The following ANGPTL4 variants were observed in gnomAD, a reference collection of about 807,000 sequenced individuals.
ANGPTL4 encodes the protein angiopoietin-related protein 4.
A neutral mutation model predicts 39.2 loss-of-function variants in ANGPTL4; 39 were observed. That is an observed-to-expected ratio of 1.00 (90% CI 0.77 to 1.30). ANGPTL4 has a LOEUF of 1.30. ANGPTL4 is among the 50% of genes most tolerant of loss of function. ANGPTL4 has a pLI of 0.00. For missense variants in ANGPTL4, 545 were observed against 549.8 expected, an observed-to-expected ratio of 0.99 and a Z score of 0.09; for synonymous variants, 233 against 229.5, an observed-to-expected ratio of 1.02 and a Z score of -0.14.
At chr19:8,365,298 T>C (rs1970979710) in intron 1 of ANGPTL4, among the ~76,000 whole-genome samples, 2 of 146,840 alleles carry the variant, frequency 1.4e-5, no homozygotes, top group South Asian at 4.4e-4. Context: ...ACCAACACAG[T>C]GAAACCCCGT....
At chr19:8,366,874 C>T (rs1971016793) in intron 3 of ANGPTL4, among the ~76,000 whole-genome samples, 1 of 147,814 alleles carries the variant, frequency 6.8e-6, no homozygotes, top group Non-Finnish European at 1.5e-5. Flanking sequence ...CCTCCTCCCT[C>T]CCCGCCCCCG....
chr19:8,368,022 G>GTTTTTTTTT (rs1568216266), intron 3 of ANGPTL4, among the ~76,000 whole-genome samples: 1 of 73,234 alleles, frequency 1.4e-5, no homozygotes. Flanking sequence ...CATTTATCAA[G>GTTTTTTTTT]TCTTTTTTTT....
Position 8,371,884 on chromosome 19 carries a change from A to T in ANGPTL4, c.1039+362A>T, listed in dbSNP as rs1971128964. ...ACCATTCTCCTGCCTCAGCCTCCCGAGTAGCTGGGACTATAGGTGCCCACC... is the reference window on the plus strand; with the variant it reads ...ACCATTCTCCTGCCTCAGCCTCCCGTGTAGCTGGGACTATAGGTGCCCACC... On this transcript the variant is annotated intron_variant, in intron 6 of 6. Coordinates refer to ENST00000301455, the MANE Select transcript of ANGPTL4 (RefSeq NM_139314.3). The surrounding 1 kb of genome is among the most constrained non-coding windows in gnomAD (Gnocchi z 5.1). Among the ~76,000 whole-genome samples the T allele has an allele frequency of 6.6e-6, 1 of 151,622 alleles. No individual in the cohort carries two copies. The highest frequency in any genetic ancestry group is 1.5e-5 in the Non-Finnish European group (1 of 67,974).
rs550480671 is a variant in ANGPTL4, at chr19:8,368,578, G to A, written c.548-641G>A. Among the ~76,000 whole-genome samples, 67 of 152,236 alleles carry A rather than the reference G, an allele frequency of 4.4e-4. No individual in the cohort carries two copies. The Middle Eastern group carries it at 0.01, about 23-fold the overall frequency. On this transcript the variant is annotated intron_variant, in intron 3 of 6. Coordinates refer to ENST00000301455, the MANE Select transcript of ANGPTL4 (RefSeq NM_139314.3). ...GAGAGAAGTGAGGAAAGAGAGTCCC[G>A]CCGGGCGCAGTGGTTCACACCTGTA...
In ANGPTL4 at chr19:8,373,762, C is replaced by G. The variant is rs776398253; in HGVS notation, c.1097C>G (p.Ser366Cys). The change falls in exon 7 of 7, where the codon TCC (serine) becomes TGC (cysteine). Residue 366 changes from serine (S) to cysteine (C), a missense_variant. Physicochemically the swap from Ser to Cys is moderately radical, Grantham distance 112. Coordinates refer to ENST00000301455, the MANE Select transcript of ANGPTL4 (RefSeq NM_139314.3). ...AACCTCAACGGCCAGTACTTCCGCT[C>G]CATCCCACAGCAGCGGCAGAAGCTT... The part of the protein sequence containing the change: ...HSNLNGQYFR[S>C]IPQQRQKLKK... The G allele has an allele frequency of 1.9e-6, 3 of 1,613,930 alleles. No individual in the cohort carries two copies. The highest frequency in any genetic ancestry group is 3.3e-5 in the Admixed American group (2 of 60,008).
chr19:8,370,287 T>C (rs1458121760), intron 4 of ANGPTL4, among the ~76,000 whole-genome samples: 1 of 152,102 alleles, frequency 6.6e-6, no homozygotes, highest in Non-Finnish European at 1.5e-5. Flanking sequence ...ATGCCTGTAG[T>C]CCCAGCTACT....
intron 1 of ANGPTL4, among the ~76,000 whole-genome samples, chr19:8,365,457 G>A (rs370652586): frequency 2.0e-5 from 3 of 151,940 alleles, no homozygotes; most frequent in Non-Finnish European, 2.9e-5. Context: ...CAGCCTGGGC[G>A]ACAGAGCTCG....
chr19:8,364,902 A>G (rs1188992872), intron 1 of ANGPTL4, among the ~76,000 whole-genome samples: 1 of 151,946 alleles, frequency 6.6e-6, no homozygotes, highest in African/African-American at 2.4e-5. Flanking sequence ...ATAAAATAAA[A>G]TAAAATAAAT....
chr19:8,364,747 G>A, intron 1 of ANGPTL4, 108 bp downstream of exon 1: 2 of 1,348,496 alleles, frequency 1.5e-6, no homozygotes, highest in Non-Finnish European at 2.1e-6. Context: ...GTGGCTCCCT[G>A]GGCTTCCCTG....
At chr19:8,369,558 A>G (rs1041610657) in intron 4 of ANGPTL4, among the ~76,000 whole-genome samples, 5 of 149,042 alleles carry the variant, frequency 3.4e-5, no homozygotes, top group East Asian at 2.0e-4. Context: ...GGTTCAAGCA[A>G]TTCTCCAGCG....
In ANGPTL4 at chr19:8,364,535, C is replaced by T; in HGVS notation, c.214C>T (p.Arg72Cys). The T allele has an allele frequency of 6.4e-7, 1 of 1,570,506 alleles. No individual in the cohort carries two copies. The stretch of plus-strand genomic sequence containing the variant: ...CAGTCAGCTGAGCGCGCTGGAGCGG[C>T]GCCTGAGCGCGTGCGGGTCCGCCTG... ...TRSQLSALER[R>C]LSACGSACQG... Residue 72 changes from arginine (R) to cysteine (C), a missense_variant, in exon 1 of 7, where the codon CGC becomes TGC. Arg to Cys is a radical substitution (Grantham distance 180). Coordinates refer to ENST00000301455, the MANE Select transcript of ANGPTL4 (RefSeq NM_139314.3).
chr19:8,364,756 T>TGCGTCAAGGGATGGGCTCCCCC, intron 1 of ANGPTL4, 117 bp downstream of exon 1: 6 of 1,283,728 alleles, frequency 4.7e-6, no homozygotes, highest in Non-Finnish European at 6.6e-6. Flanking sequence ...TGGGCTTCCC[T>TGCGTCAAGGGATGGGCTCCCCC]GCGTCAAGGG....
intron 4 of ANGPTL4, among the ~76,000 whole-genome samples, chr19:8,369,700 G>A (rs1333662408): frequency 6.6e-6 from 1 of 151,732 alleles, no homozygotes; most frequent in African/African-American, 2.4e-5. Flanking sequence ...ATGATTTGCC[G>A]ACTTTGGCCT....
In ANGPTL4 at chr19:8,364,617, C is replaced by T. The variant is rs577419152; in HGVS notation, c.296C>T (p.Pro99Leu). The change falls in exon 1 of 7, where the codon CCT becomes CTT. Residue 99 changes from proline to leucine, a missense_variant. Transcript: ENST00000301455. The stretch of plus-strand genomic sequence containing the variant: ...TTAGCCCCTGAGAGCCGGGTGGACC[C>T]TGAGGTCCTTCACAGCCTGCAGGTA... ...LPLAPESRVDPEVLHSLQTQL... is the reference protein window; with the variant it reads ...LPLAPESRVDLEVLHSLQTQL... The T allele has an allele frequency of 1.0e-5, 16 of 1,591,900 alleles. No individual in the cohort carries two copies. The South Asian group carries it at 1.8e-4, about 18-fold the overall frequency.
At chr19:8,370,664 C>A (rs889894342) in intron 4 of ANGPTL4, among the ~76,000 whole-genome samples, 1 of 143,122 alleles carries the variant, frequency 7.0e-6, no homozygotes, top group Non-Finnish European at 1.5e-5. Flanking sequence ...TGCGGCACTG[C>A]GATCCAGCCT....
At chr19:8,368,748 C>T (rs557323891) in intron 3 of ANGPTL4, among the ~76,000 whole-genome samples, 1 of 152,324 alleles carries the variant, frequency 6.6e-6, no homozygotes, top group Non-Finnish European at 1.5e-5. Flanking sequence ...GTCCCAGCTG[C>T]TCCGGAGGCT....
At chr19:8,368,980 C>T (rs1262365088) in intron 3 of ANGPTL4, among the ~76,000 whole-genome samples, 1 of 152,302 alleles carries the variant, frequency 6.6e-6, no homozygotes, top group East Asian at 1.9e-4. Context: ...GTGGGTACAG[C>T]ATGGCAGGAG....
chr19:8,364,309 GCTAC>G lies in ANGPTL4; in HGVS notation c.-9_-6del, dbSNP rs1568213513. The G allele has an allele frequency of 6.5e-7, 1 of 1,537,710 alleles. No homozygotes were observed. The highest frequency in any genetic ancestry group is 2.4e-5 in the East Asian group (1 of 41,342). ...AGAGTCCCCGAATCCCCGCTCCCAG[GCTAC>G]CTAAGAGGATGAGCGGTGCTCCGAC... is the stretch of plus-strand genomic sequence containing the variant. On this transcript the variant is annotated 5_prime_UTR_variant, in exon 1 of 7. Coordinates refer to ENST00000301455, the MANE Select transcript of ANGPTL4 (RefSeq NM_139314.3).
rs1237612085 is a variant in ANGPTL4 at position 8,371,950 on chromosome 19, G to A, written c.1039+428G>A. On this transcript the variant is annotated intron_variant, in intron 6 of 6. Coordinates refer to ENST00000301455, the MANE Select transcript of ANGPTL4 (RefSeq NM_139314.3). This position sits in a 1 kb window ranked among gnomAD's most constrained non-coding sequence, Gnocchi z 5.1. Reference sequence around the variant, plus strand: ...TTTTTTTGTATTTTTAGTAGAGATGGGGTTTCACCGTGTTAGCCAGGATGG... The same window carrying A: ...TTTTTTTGTATTTTTAGTAGAGATGAGGTTTCACCGTGTTAGCCAGGATGG... Among the ~76,000 whole-genome samples, 1 of 151,878 alleles carries A rather than the reference G, an allele frequency of 6.6e-6. No individual in the cohort carries two copies. The highest frequency in any genetic ancestry group is 1.5e-5 in the Non-Finnish European group (1 of 67,994).
Sources: allele counts gnomAD v4.1 joint callset (sites outside exome capture counted in the v4.1 genomes callset), GRCh38; gene constraint gnomAD v4.1.1; non-coding constraint Gnocchi (gnomAD v3.1); transcripts MANE v1.5; gene names NCBI Gene and HGNC (gene_info 2026-07-23, HGNC 2026-07-21).